Variants in RASAL2 observed in about 807,000 individuals in gnomAD.
The protein encoded by RASAL2 is ras GTPase-activating protein nGAP.
In RASAL2, 58 loss-of-function variants were observed where a neutral mutation model predicts 128.9. That is an observed-to-expected ratio of 0.45 (90% CI 0.36 to 0.56). RASAL2 has a LOEUF of 0.56. Among genes scored for constraint, RASAL2 ranks in the 20% least tolerant of loss-of-function variants. The probability of loss-of-function intolerance (pLI) is 0.00; values close to 1 mark genes in which losing one functional copy is unlikely to be tolerated. For synonymous variants in RASAL2, 561 were observed against 580.8 expected (o/e 0.97, Z 0.49); for missense variants, 1,360 against 1,601.6 (o/e 0.85, Z 2.57).
At chr1:178,101,009 A>G (rs910691965) in intron 1 of RASAL2, among the ~76,000 whole-genome samples, 1 of 152,138 alleles carries the variant, frequency 6.6e-6, no homozygotes, top group African/African-American at 2.4e-5. Flanking sequence ...TGTTTGTAAA[A>G]ACACCTTTCT....
At chr1:178,113,513 T>A (rs1263605245) in intron 1 of RASAL2, among the ~76,000 whole-genome samples, 1 of 7,226 alleles carries the variant, frequency 1.4e-4, no homozygotes, top group East Asian at 1.9e-3. Flanking sequence ...TGCCTGCGAG[T>A]GTGTGTGTGT....
intron 1 of RASAL2, among the ~76,000 whole-genome samples, chr1:178,168,097 A>C (rs534522122): frequency 1.1e-3 from 170 of 152,230 alleles, no homozygotes; most frequent in African/African-American, 3.4e-3. Context: ...TGCTTCTGGC[A>C]AAACAGGCAG....
chr1:178,143,776 GA>G (rs920806988), intron 1 of RASAL2, among the ~76,000 whole-genome samples: 19 of 148,794 alleles, frequency 1.3e-4, no homozygotes, highest in Non-Finnish European at 4.5e-5. Context: ...TTGACAAGTA[GA>G]ATACATTCAT....
intron 4 of RASAL2, among the ~76,000 whole-genome samples, chr1:178,399,795 C>T (rs1304635084): frequency 2.0e-5 from 3 of 152,184 alleles, no homozygotes; most frequent in Non-Finnish European, 4.4e-5. Context: ...TCTAATTATG[C>T]TGCAGGTCCT....
intron 1 of RASAL2, among the ~76,000 whole-genome samples, chr1:178,268,295 C>G (rs1018259340): frequency 6.6e-6 from 1 of 151,982 alleles, no homozygotes; most frequent in Non-Finnish European, 1.5e-5. Flanking sequence ...TGGTGAAACC[C>G]CATCTCTACT....
At chr1:178,241,306 G>A (rs1197403930) in intron 1 of RASAL2, among the ~76,000 whole-genome samples, 4 of 152,104 alleles carry the variant, frequency 2.6e-5, no homozygotes, top group Admixed American at 6.6e-5. Context: ...AGATCTCCAA[G>A]CTGTGTTAGG....
At chr1:178,098,024 G>C (rs962707965) in intron 1 of RASAL2, among the ~76,000 whole-genome samples, 22 of 152,188 alleles carry the variant, frequency 1.4e-4, no homozygotes, top group African/African-American at 4.3e-4. Flanking sequence ...AAAAATATTT[G>C]TGCTGTCTGT....
At chr1:178,418,366 C>A (rs1038721943) in intron 4 of RASAL2, among the ~76,000 whole-genome samples, 4 of 152,110 alleles carry the variant, frequency 2.6e-5, no homozygotes, top group African/African-American at 7.2e-5. Context: ...ATTTACTATT[C>A]ATTAGGTGGA....
chr1:178,236,812 G>A (rs1446723722), intron 1 of RASAL2, among the ~76,000 whole-genome samples: 8 of 141,504 alleles, frequency 5.7e-5, no homozygotes, highest in African/African-American at 2.1e-4. Context: ...CACCCAGGCT[G>A]GAGGCCAGTG....
chr1:178,325,484 T>C (rs1283447453), intron 3 of RASAL2, among the ~76,000 whole-genome samples: 1 of 152,190 alleles, frequency 6.6e-6, no homozygotes, highest in African/African-American at 2.4e-5. Flanking sequence ...CATTCAGATA[T>C]ATGTATTAGG....
chr1:178,248,120 T>C (rs886592652), intron 1 of RASAL2, among the ~76,000 whole-genome samples: 9 of 152,180 alleles, frequency 5.9e-5, no homozygotes, highest in East Asian at 3.8e-4. Flanking sequence ...ATCCTGAATA[T>C]CCTTGTTAAT....
intron 1 of RASAL2, among the ~76,000 whole-genome samples, chr1:178,199,786 A>G (rs1010291446): frequency 1.4e-4 from 22 of 152,138 alleles, no homozygotes; most frequent in African/African-American, 4.8e-4. Flanking sequence ...TCCCAGGTCT[A>G]TCCGTGAGGG....
chr1:178,393,243 T>A (rs960686725), intron 4 of RASAL2, among the ~76,000 whole-genome samples: 1 of 152,202 alleles, frequency 6.6e-6, no homozygotes, highest in African/African-American at 2.4e-5. Context: ...TTTCTGTTAT[T>A]ATTAGGTTGT....
chr1:178,422,575 C>T (rs375125979), intron 5 of RASAL2, among the ~76,000 whole-genome samples: 207 of 152,106 alleles, frequency 1.4e-3, no homozygotes, highest in African/African-American at 4.8e-3. Flanking sequence ...ACTCTCTTGC[C>T]TTCAGATCAT....
chr1:178,389,983 GTAATATACCT>G, intron 3 of RASAL2, 107 bp from the exon 4 acceptor site: 1 of 654,668 alleles, frequency 1.5e-6, no homozygotes, highest in Non-Finnish European at 2.7e-6. Flanking sequence ...GAGATAGAAT[GTAATATACCT>G]TTAAAGCATG....
At chr1:178,243,601 T>C (rs1473093908) in intron 1 of RASAL2, among the ~76,000 whole-genome samples, 2 of 120,256 alleles carry the variant, frequency 1.7e-5, no homozygotes, top group Non-Finnish European at 1.6e-5. Flanking sequence ...CTTGTTGTTA[T>C]CAAAAAAAAA....
In RASAL2 at chr1:178,420,589, C is replaced by A; in HGVS notation, c.643C>A (p.Arg215=). Residue 215 remains arginine, a synonymous_variant, in exon 5 of 18, where the codon CGG becomes AGG. Transcript: ENST00000367649. ...QSKLDRNTSF[R]LPSLRSTDDR... ...AAAGCTTGACAGAAACACGAGCTTT[C>A]GGCTTCCATCCCTTCGCAGTACAGA... 6.2e-7 allele frequency: 1 copy of A among 1,612,036 alleles called. No homozygotes were observed. The highest frequency in any genetic ancestry group is 2.2e-5 in the East Asian group (1 of 44,774).
intron 1 of RASAL2, among the ~76,000 whole-genome samples, chr1:178,165,346 C>T (rs981625142): frequency 3.3e-5 from 5 of 152,118 alleles, no homozygotes; most frequent in Admixed American, 2.0e-4. Flanking sequence ...GTACTTATCA[C>T]GTATAGACTT....
At chr1:178,244,189 G>A (rs1375415941) in intron 1 of RASAL2, among the ~76,000 whole-genome samples, 1 of 152,096 alleles carries the variant, frequency 6.6e-6, no homozygotes, top group East Asian at 1.9e-4. Context: ...GTATTAAGTT[G>A]TATAAGGGGT....
Sources: gnomAD v4.1 joint callset for allele counts (sites outside exome capture counted in the v4.1 genomes callset) on GRCh38, gnomAD v4.1.1 for gene constraint, MANE v1.5 for transcripts, NCBI Gene and HGNC (gene_info 2026-07-23, HGNC 2026-07-21) for gene names.